SLC24A2: variants seen among roughly 807,000 people sequenced by gnomAD.
SLC24A2 encodes solute carrier family 24 member 2.
A neutral mutation model predicts 62.0 loss-of-function variants in SLC24A2; 36 were observed. That is an observed-to-expected ratio of 0.58 (90% confidence interval 0.44 to 0.77). SLC24A2 has a LOEUF of 0.77. Among genes scored for constraint, SLC24A2 ranks in the 30% least tolerant of loss-of-function variants. SLC24A2 has a pLI of 0.00. For missense variants in SLC24A2, 846 were observed against 817.9 expected, an observed-to-expected ratio of 1.03 and a Z score of -0.42; for synonymous variants, 358 against 294.0, an observed-to-expected ratio of 1.22 and a Z score of -2.23.
intron 2 of SLC24A2, among the ~76,000 whole-genome samples, chr9:19,725,504 A>C (rs972389021): frequency 6.6e-6 from 1 of 152,168 alleles, no homozygotes; most frequent in African/African-American, 2.4e-5. Flanking sequence ...AAAAACTTTC[A>C]GAGTTGGAGG....
At chr9:19,852,119 A>G in the SLC24A2 span, among the ~76,000 whole-genome samples, 1 of 152,170 alleles carries the variant, frequency 6.6e-6, no homozygotes, top group Non-Finnish European at 1.5e-5. Flanking sequence ...CTTGCCACAT[A>G]AATGTCTTCT....
At chr9:20,155,766 G>A in the SLC24A2 span, among the ~76,000 whole-genome samples, 7 of 151,584 alleles carry the variant, frequency 4.6e-5, no homozygotes, top group African/African-American at 7.3e-5. Flanking sequence ...AGGTGAATAC[G>A]TATTCATCAT....
intron 4 of SLC24A2, among the ~76,000 whole-genome samples, chr9:19,613,040 G>A (rs1487388359): frequency 1.3e-5 from 2 of 152,138 alleles, no homozygotes; most frequent in African/African-American, 4.8e-5. Flanking sequence ...CCATGAAGTG[G>A]GGATGATGAG....
the SLC24A2 span, chr9:19,926,340 C>G: frequency 6.6e-6 from 1 of 152,196 alleles, no homozygotes; most frequent in Non-Finnish European, 1.5e-5. Context: ...CATTCAGTAC[C>G]TCCCTTCAAG....
At chr9:19,825,466 C>T in the SLC24A2 span, among the ~76,000 whole-genome samples, 1 of 152,100 alleles carries the variant, frequency 6.6e-6, no homozygotes, top group Non-Finnish European at 1.5e-5. Context: ...ATGATTTAGG[C>T]TGTAGTGTGG....
At chr9:19,736,248 A>C (rs1164183616) in intron 2 of SLC24A2, among the ~76,000 whole-genome samples, 1 of 152,170 alleles carries the variant, frequency 6.6e-6, no homozygotes, top group Non-Finnish European at 1.5e-5. Context: ...AAGAGTAGCA[A>C]AAAAAGGAGA....
At chr9:20,055,708 T>C in the SLC24A2 span, among the ~76,000 whole-genome samples, 1 of 151,938 alleles carries the variant, frequency 6.6e-6, no homozygotes, top group East Asian at 1.9e-4. Context: ...GGCAACATGG[T>C]GAAAAACAAT....
At chr9:20,305,317 A>G in the SLC24A2 span, among the ~76,000 whole-genome samples, 1 of 152,088 alleles carries the variant, frequency 6.6e-6, no homozygotes, top group Non-Finnish European at 1.5e-5. Context: ...CATGTTGGTC[A>G]GGATGGTCTC....
Position 19,585,476 on chromosome 9 carries a change from A to G in SLC24A2, c.1130-8454T>C, listed in dbSNP as rs1046607092. The stretch of plus-strand genomic sequence containing the variant: ...AGCACTTGGAAGTAATCAGTTCTCC[A>G]GAAGCAATGACTCCTTTTATTGGAA... On this transcript the variant is annotated intron_variant, in intron 5 of 10. Transcript: ENST00000341998. Among the ~76,000 whole-genome samples, 3 of 152,342 alleles carry G rather than the reference A, an allele frequency of 2.0e-5. No homozygotes were observed. The South Asian group carries it at 6.2e-4, about 32-fold the overall frequency.
chr9:20,178,003 A>G, the SLC24A2 span, among the ~76,000 whole-genome samples: 2 of 152,136 alleles, frequency 1.3e-5, no homozygotes, highest in African/African-American at 4.8e-5. Flanking sequence ...ATTCAAGTCA[A>G]TATTCAACCT....
At chr9:19,707,840 G>A (rs1490457183) in intron 2 of SLC24A2, among the ~76,000 whole-genome samples, 1 of 152,118 alleles carries the variant, frequency 6.6e-6, no homozygotes, top group Admixed American at 6.5e-5. Flanking sequence ...TTTGAAAGCT[G>A]GCACAAGACA....
At chr9:20,088,363 G>A in the SLC24A2 span, among the ~76,000 whole-genome samples, 1 of 152,166 alleles carries the variant, frequency 6.6e-6, no homozygotes, top group African/African-American at 2.4e-5. Context: ...TTGCCTTTGG[G>A]CTCTAGAGAA....
the SLC24A2 span, among the ~76,000 whole-genome samples, chr9:20,146,266 G>C: frequency 6.6e-6 from 1 of 152,110 alleles, no homozygotes; most frequent in African/African-American, 2.4e-5. Flanking sequence ...AGAGAGTCTG[G>C]AAGGCAAATG....
intron 2 of SLC24A2, among the ~76,000 whole-genome samples, chr9:19,638,290 C>T (rs1027140579): frequency 6.6e-6 from 1 of 152,150 alleles, no homozygotes; most frequent in South Asian, 2.1e-4. Flanking sequence ...GGTTATTTTC[C>T]TCCATTTGAG....
chr9:19,935,167 T>C, the SLC24A2 span, among the ~76,000 whole-genome samples: 1 of 151,602 alleles, frequency 6.6e-6, no homozygotes, highest in African/African-American at 2.4e-5. Flanking sequence ...GGGTTGCTTG[T>C]GAAAAATAGA....
intron 7 of SLC24A2, among the ~76,000 whole-genome samples, chr9:19,567,544 CAA>C (rs747824353): frequency 1.3e-4 from 5 of 38,414 alleles, no homozygotes; most frequent in Admixed American, 3.2e-4. Context: ...GACTCCATCT[CAA>C]AAAAAAAAAA....
the SLC24A2 span, among the ~76,000 whole-genome samples, chr9:20,099,537 C>CA: frequency 1.6e-4 from 24 of 150,498 alleles, no homozygotes; most frequent in African/African-American, 4.1e-4. Context: ...CAATTTTTAA[C>CA]AAAAAAAAAG....
chr9:19,761,746 C>T (rs1822338609), intron 2 of SLC24A2, among the ~76,000 whole-genome samples: 1 of 151,754 alleles, frequency 6.6e-6, no homozygotes, highest in Non-Finnish European at 1.5e-5. Context: ...GTTTTTTGTC[C>T]TTGCGATAGT....
the SLC24A2 span, among the ~76,000 whole-genome samples, chr9:19,837,960 G>A: frequency 1.3e-5 from 2 of 151,804 alleles, no homozygotes; most frequent in East Asian, 1.9e-4. Flanking sequence ...TCATGGGTAG[G>A]AAGAATCAAT....
Sources: gnomAD v4.1 joint callset for allele counts (sites outside exome capture counted in the v4.1 genomes callset) on GRCh38, gnomAD v4.1.1 for gene constraint, MANE v1.5 for transcripts, NCBI Gene and HGNC (gene_info 2026-07-23, HGNC 2026-07-21) for gene names.